SAR1B: variants seen among roughly 807,000 people sequenced by gnomAD.
SAR1B encodes the protein small COPII coat GTPase SAR1B.
In SAR1B, 23 loss-of-function variants were observed where a neutral mutation model predicts 26.8. The ratio of observed to expected loss-of-function variants is 0.86; its 90% CI spans 0.62 to 1.22. SAR1B has a LOEUF of 1.22. Ranked by LOEUF, SAR1B falls within the 50% of genes most tolerant of loss-of-function variation. The pLI is 0.00. For synonymous variants in SAR1B, 65 were observed against 80.8 expected, an observed-to-expected ratio of 0.80 and a Z score of 1.05; for missense variants, 196 against 232.8, an observed-to-expected ratio of 0.84 and a Z score of 1.03.
intron 3 of SAR1B, among the ~76,000 whole-genome samples, 172 bp downstream of exon 3, chr5:134,620,761 G>T (rs914329705): frequency 1.3e-5 from 2 of 152,192 alleles, no homozygotes; most frequent in African/African-American, 4.8e-5. Context: ...TTGGGAGACG[G>T]GAGGATGGCT....
intron 3 of SAR1B, among the ~76,000 whole-genome samples, chr5:134,617,829 G>A (rs1329684832): frequency 2.0e-5 from 3 of 152,106 alleles, no homozygotes; most frequent in East Asian, 3.9e-4. Flanking sequence ...TTACAGGCAC[G>A]TGCCACCGTG....
chr5:134,607,998 A>G (rs1765157345), intron 6 of SAR1B, among the ~76,000 whole-genome samples: 3 of 152,202 alleles, frequency 2.0e-5, no homozygotes, highest in African/African-American at 7.2e-5. Flanking sequence ...ACCGTAAAAT[A>G]TTCCAAGTTT....
chr5:134,617,536 T>C (rs1765334229), intron 3 of SAR1B, among the ~76,000 whole-genome samples: 1 of 152,172 alleles, frequency 6.6e-6, no homozygotes, highest in Non-Finnish European at 1.5e-5. Flanking sequence ...TCCAGAACAA[T>C]GTCTGACATA....
chr5:134,615,320 C>T (rs1765289934), intron 3 of SAR1B, among the ~76,000 whole-genome samples: 1 of 150,618 alleles, frequency 6.6e-6, no homozygotes, highest in African/African-American at 2.5e-5. Flanking sequence ...TGCACTCCAG[C>T]CTGGGGAACA....
chr5:134,627,888 C>T (rs2150056688), intron 1 of SAR1B, among the ~76,000 whole-genome samples: 1 of 151,922 alleles, frequency 6.6e-6, no homozygotes, highest in Non-Finnish European at 1.5e-5. Context: ...GCCTGTAATC[C>T]CAGCACTTTG....
chr5:134,612,681 A>AAAAAT lies in SAR1B; in HGVS notation c.244+9_244+10insATTTT. 1.2e-5 allele frequency: 14 copies of AAAAAT among 1,124,702 alleles called. No individual in the cohort carries two copies. Among genetic ancestry groups the AAAAAT allele is most frequent in the African/African-American group, 1.8e-5 (1 of 56,486 alleles). 69.7% of individuals were successfully genotyped at this position (1,124,702 alleles called of 1,614,324 possible). ...AAAAAAAAAAAAAAAAAAAAAAAAA[A>AAAAAT]GAATCTTACCTTGAACATGTCCACC... On this transcript the variant is annotated intron_variant, in intron 4 of 6. Coordinates refer to ENST00000402673, the MANE Select transcript of SAR1B (RefSeq NM_016103.4).
chr5:134,624,015 G>A lies in SAR1B; in HGVS notation c.5C>T (p.Ser2Phe). Reference protein sequence around the residue: MSFIFDWIYSGF... With the variant: MFFIFDWIYSGF... ...ACTGTAAATCCAATCAAATATGAAG[G>A]ACATATCCAAATCTGATAGGGTCTG... Residue 2 changes from serine (S) to phenylalanine (F), a missense_variant, in exon 2 of 7, where the codon TCC (serine) becomes TTC (phenylalanine). Physicochemically the swap from Ser to Phe is radical, Grantham distance 155 (BLOSUM62 -2). Transcript: ENST00000402673. The A allele has an allele frequency of 1.9e-6, 3 of 1,607,946 alleles. No homozygotes were observed. The highest frequency in any genetic ancestry group is 2.6e-6 in the Non-Finnish European group (3 of 1,174,578).
intron 4 of SAR1B, among the ~76,000 whole-genome samples, chr5:134,611,970 C>T (rs141599445): frequency 6.6e-6 from 1 of 152,206 alleles, no homozygotes; most frequent in African/African-American, 2.4e-5. Context: ...GGAGACAAGC[C>T]TGGGCAACAT....
chr5:134,601,837 G>C lies in SAR1B; in HGVS notation c.*5113C>G, dbSNP rs891947426. On this transcript the variant is annotated 3_prime_UTR_variant, in exon 7 of 7. Transcript: ENST00000402673. ...GAGGCAGGTGGATCACGTGAGGTCAGAAGTTCGACAAGCCTGGACAACATG... is the reference window on the plus strand; with the variant it reads ...GAGGCAGGTGGATCACGTGAGGTCACAAGTTCGACAAGCCTGGACAACATG... The C allele has an allele frequency of 3.3e-5, 5 of 152,250 alleles. No homozygotes were observed. Among genetic ancestry groups the C allele is most frequent in the Non-Finnish European group, 5.9e-5 (4 of 68,070 alleles). 9.4% of individuals were successfully genotyped at this position (152,250 alleles called of 1,614,324 possible). A position where few individuals can be genotyped will look rare whatever the true frequency, so the allele number is the denominator to read the frequency against.
At chr5:134,627,287 G>A (rs1580657111) in intron 1 of SAR1B, among the ~76,000 whole-genome samples, 3 of 151,128 alleles carry the variant, frequency 2.0e-5, no homozygotes, top group Admixed American at 1.3e-4. Context: ...TCCTGACCTC[G>A]TAATCCGCCC....
chr5:134,611,365 G>A (rs1038544879), intron 4 of SAR1B, among the ~76,000 whole-genome samples: 11 of 152,008 alleles, frequency 7.2e-5, no homozygotes, highest in Admixed American at 2.6e-4. Flanking sequence ...CCACCAATTC[G>A]GTAATATTGG....
rs1235574690 is a variant in SAR1B, at chr5:134,604,600, A to G, written c.*2350T>C. ...GGCTTCCTTTCTAGAGGCTCGGGCC[A>G]TAAAAATCTTATGTCTTTGGGAAAA... On this transcript the variant is annotated 3_prime_UTR_variant, in exon 7 of 7. Transcript: ENST00000402673. The G allele has an allele frequency of 6.6e-6, 1 of 152,218 alleles. No individual in the cohort carries two copies. The highest frequency in any genetic ancestry group is 1.5e-5 in the Non-Finnish European group (1 of 68,046). 9.4% of individuals were successfully genotyped at this position (152,218 alleles called of 1,614,324 possible). A position where few individuals can be genotyped will look rare whatever the true frequency, so the allele number is the denominator to read the frequency against.
intron 3 of SAR1B, among the ~76,000 whole-genome samples, 180 bp downstream of exon 3, chr5:134,620,753 G>C (rs1309161761): frequency 3.3e-5 from 5 of 152,180 alleles, no homozygotes; most frequent in African/African-American, 1.2e-4. Flanking sequence ...CCAGCTACTT[G>C]GGAGACGGGA....
chr5:134,628,128 A>G (rs1765531602), intron 1 of SAR1B, among the ~76,000 whole-genome samples: 1 of 151,790 alleles, frequency 6.6e-6, no homozygotes, highest in Admixed American at 6.6e-5. Context: ...GGGGTGACAG[A>G]GCAAGACTCC....
At position 134,629,640 on chromosome 5, in the gene SAR1B, T is replaced by A. The variant is rs185720862; in HGVS notation, c.-19+3088A>T. Among the ~76,000 whole-genome samples, 398 of 151,958 alleles carry A rather than the reference T, an allele frequency of 2.6e-3. 2 individuals carry two copies. Among genetic ancestry groups the A allele is most frequent in the African/African-American group, 9.3e-3 (384 of 41,414 alleles). On this transcript the variant is annotated intron_variant, in intron 1 of 6. Transcript: ENST00000402673. The stretch of plus-strand genomic sequence containing the variant: ...TGAACCTGGGAGGCAGAGGTTGCAG[T>A]GAGCCAAGATCGCGCCACTGCACTC...
chr5:134,607,746 T>A (rs1272805282), intron 6 of SAR1B, among the ~76,000 whole-genome samples: 1 of 140,552 alleles, frequency 7.1e-6, no homozygotes, highest in African/African-American at 2.7e-5. Flanking sequence ...TACTCCAGCC[T>A]GGGCAACAAG....
At chr5:134,608,939 G>A (rs1453911864) in intron 5 of SAR1B, 1 of 368,472 alleles carries the variant, frequency 2.7e-6, no homozygotes, top group Non-Finnish European at 5.3e-6. Flanking sequence ...AGGAACTCAG[G>A]CATTCTCTGT....
rs1392509568 is a variant in SAR1B, at chr5:134,604,136, A to G, written c.*2814T>C. The G allele has an allele frequency of 6.6e-6, 1 of 152,246 alleles. No homozygotes were observed. Among genetic ancestry groups the G allele is most frequent in the African/African-American group, 2.4e-5 (1 of 41,460 alleles). 9.4% of individuals were successfully genotyped at this position (152,246 alleles called of 1,614,324 possible). ...ATCAATTTAACCAGCTGTGATCCAA[A>G]AGTGTAATTAACGGCAGTCAGTGAA... On this transcript the variant is annotated 3_prime_UTR_variant, in exon 7 of 7. Transcript: ENST00000402673.
At chr5:134,611,558 A>C (rs1765212202) in intron 4 of SAR1B, among the ~76,000 whole-genome samples, 1 of 151,794 alleles carries the variant, frequency 6.6e-6, no homozygotes, top group African/African-American at 2.4e-5. Flanking sequence ...CCATCTCTAC[A>C]AAAAAAATTT....
Sources: allele counts gnomAD v4.1 joint callset (sites outside exome capture counted in the v4.1 genomes callset), GRCh38; gene constraint gnomAD v4.1.1; transcripts MANE v1.5; gene names NCBI Gene and HGNC (gene_info 2026-07-23, HGNC 2026-07-21).